Variants in DNMBP observed in about 807,000 individuals in gnomAD.
DNMBP encodes dynamin-binding protein.
A neutral mutation model predicts 150.0 loss-of-function variants in DNMBP; 87 were observed. The observed-to-expected ratio is 0.58, with a 90% confidence interval of 0.49 to 0.69. The LOEUF (loss-of-function observed/expected upper bound fraction) is 0.69, where lower values mean the gene tolerates loss of function less well. Among genes scored for constraint, DNMBP ranks in the 30% least tolerant of loss-of-function variants. DNMBP has a pLI of 0.00. For missense variants in DNMBP, 1,774 were observed against 1,949.0 expected, an observed-to-expected ratio of 0.91 and a Z score of 1.69; for synonymous variants, 711 against 750.4, an observed-to-expected ratio of 0.95 and a Z score of 0.86.
chr10:99,989,790 G>T (rs1171839958), intron 1 of DNMBP, among the ~76,000 whole-genome samples: 1 of 59,136 alleles, frequency 1.7e-5, no homozygotes, highest in South Asian at 4.1e-4. Context: ...CAGCTAAACT[G>T]CTATGTACCC....
At chr10:99,968,751 T>C (rs891612896) in intron 3 of DNMBP, among the ~76,000 whole-genome samples, 26 of 151,456 alleles carry the variant, frequency 1.7e-4, no homozygotes, top group African/African-American at 6.3e-4. Context: ...CATGGGGGCA[T>C]TGGAAAGATA....
At chr10:99,889,008 G>C in intron 11 of DNMBP, 55 bp from the exon 12 acceptor site, 1 of 1,601,952 alleles carries the variant, frequency 6.2e-7, no homozygotes, top group Non-Finnish European at 8.5e-7. Flanking sequence ...TCCAGCTTTT[G>C]TCATACATTC....
rs560186796 is a variant in DNMBP at position 100,004,842 on chromosome 10, C to T, written c.-11+4996G>A. On this transcript the variant is annotated intron_variant, in intron 1 of 16. Transcript: ENST00000324109. ...GATTTGATCAACAGATGTCAAGATGCCCAAATGAGAAGACATCTGCAAAGT... is the reference window on the plus strand; with the variant it reads ...GATTTGATCAACAGATGTCAAGATGTCCAAATGAGAAGACATCTGCAAAGT... Among the ~76,000 whole-genome samples the T allele has an allele frequency of 6.6e-5, 10 of 152,166 alleles. No individual in the cohort carries two copies. In the East Asian group the frequency reaches 1.9e-3, roughly 29 times the overall value.
At chr10:99,901,850 CCT>C (rs2039744168) in intron 6 of DNMBP, among the ~76,000 whole-genome samples, 1 of 152,178 alleles carries the variant, frequency 6.6e-6, no homozygotes, top group South Asian at 2.1e-4. Context: ...TGTGGACTCA[CCT>C]CTGTTCTCTC....
In DNMBP at chr10:100,003,097, C is replaced by T. The variant is rs527528759; in HGVS notation, c.-11+6741G>A. ...GGGCACGGTGGCTCAGGCCTGTAAT[C>T]CCAGCACTTTGGGAGGCCAAGGCAC... On this transcript the variant is annotated intron_variant, in intron 1 of 16. Transcript: ENST00000324109. Among the ~76,000 whole-genome samples the T allele has an allele frequency of 3.1e-4, 47 of 152,264 alleles. 1 individual carries two copies. The highest frequency in any genetic ancestry group is 2.0e-3 in the Admixed American group (31 of 15,300).
At chr10:99,987,318 TAGTG>T (rs1248860339) in intron 1 of DNMBP, among the ~76,000 whole-genome samples, 1 of 151,912 alleles carries the variant, frequency 6.6e-6, no homozygotes, top group Non-Finnish European at 1.5e-5. Flanking sequence ...CTGGGCAACA[TAGTG>T]AGATCTCATC....
intron 1 of DNMBP, among the ~76,000 whole-genome samples, chr10:99,972,806 G>A (rs567683333): frequency 1.1e-4 from 16 of 152,156 alleles, no homozygotes; most frequent in African/African-American, 3.6e-4. Context: ...ATGAAATCTC[G>A]CTGTGTGTTC....
At chr10:99,969,400 CAA>C (rs1486590229) in intron 2 of DNMBP, among the ~76,000 whole-genome samples, 163 bp from the exon 3 acceptor site, 1 of 152,076 alleles carries the variant, frequency 6.6e-6, no homozygotes, top group Non-Finnish European at 1.5e-5. Context: ...GTATAGTGCA[CAA>C]AACTAGATGC....
In DNMBP at chr10:99,909,021, C is replaced by G. The variant is rs1464323319; in HGVS notation, c.2386G>C (p.Glu796Gln). 4.3e-6 allele frequency: 7 copies of G among 1,614,228 alleles called. No homozygotes were observed. The highest frequency in any genetic ancestry group is 5.9e-6 in the Non-Finnish European group (7 of 1,180,048). Reference sequence around the variant, plus strand: ...TCCAGATCCCGAATGTAGTCTCTTTCTGTCTGAAGAAGTTCTTCTATGACC... The same window carrying G: ...TCCAGATCCCGAATGTAGTCTCTTTGTGTCTGAAGAAGTTCTTCTATGACC... ...AKVIEELLQT[E>Q]RDYIRDLEMC... Residue 796 changes from glutamate (E) to glutamine (Q), a missense_variant, in exon 5 of 17, where the codon GAA becomes CAA. Transcript: ENST00000324109.
chr10:99,968,687 T>C (rs1176284049), intron 3 of DNMBP, among the ~76,000 whole-genome samples: 6 of 88,260 alleles, frequency 6.8e-5, no homozygotes, highest in Non-Finnish European at 1.3e-4. Flanking sequence ...GACTACTGTC[T>C]CAAAAAAAAA....
At chr10:99,982,066 T>A (rs1474307259) in intron 1 of DNMBP, among the ~76,000 whole-genome samples, 1 of 152,176 alleles carries the variant, frequency 6.6e-6, no homozygotes, top group East Asian at 1.9e-4. Flanking sequence ...ATTACCCAAT[T>A]TGAGTGTGCC....
chr10:99,975,947 C>A lies in DNMBP; in HGVS notation c.-10-3813G>T, dbSNP rs1197672452. Among the ~76,000 whole-genome samples, 3 of 152,264 alleles carry A rather than the reference C, an allele frequency of 2.0e-5. No homozygotes were observed. In the East Asian group the frequency reaches 5.8e-4, roughly 29 times the overall value. Reference sequence around the variant, plus strand: ...GTACTTCCCTGAGTCCTCGCAAGGACCCTATCATATGTTATTGGTTCCCAT... The same window carrying A: ...GTACTTCCCTGAGTCCTCGCAAGGAACCTATCATATGTTATTGGTTCCCAT... On this transcript the variant is annotated intron_variant, in intron 1 of 16. Transcript: ENST00000324109.
intron 8 of DNMBP, 34 bp downstream of exon 8, chr10:99,898,709 A>G: frequency 6.2e-7 from 1 of 1,611,680 alleles, no homozygotes; most frequent in Non-Finnish European, 8.5e-7. Flanking sequence ...CACAGAAGAA[A>G]TGAGCGCATA....
intron 1 of DNMBP, among the ~76,000 whole-genome samples, chr10:99,988,914 G>C (rs1289823872): frequency 1.3e-5 from 2 of 152,034 alleles, no homozygotes; most frequent in Non-Finnish European, 2.9e-5. Context: ...TGTCTGCCTC[G>C]GCCTCCCAAA....
intron 16 of DNMBP, among the ~76,000 whole-genome samples, chr10:99,878,538 A>G (rs537050127): frequency 6.6e-6 from 1 of 152,344 alleles, no homozygotes; most frequent in South Asian, 2.1e-4. Flanking sequence ...CAGAAAAACG[A>G]GCATGCACAA....
chr10:99,997,337 G>A (rs2040960724), intron 1 of DNMBP, among the ~76,000 whole-genome samples: 1 of 152,174 alleles, frequency 6.6e-6, no homozygotes, highest in Admixed American at 6.5e-5. Flanking sequence ...TTCCTTCTGA[G>A]GCAGAATGTT....
intron 4 of DNMBP, among the ~76,000 whole-genome samples, chr10:99,948,402 T>C (rs1191306550): frequency 6.6e-6 from 1 of 152,212 alleles, no homozygotes; most frequent in Non-Finnish European, 1.5e-5. Context: ...CAAATATTAT[T>C]ATCCTTCAGG....
chr10:100,002,294 A>C (rs2041022462), intron 1 of DNMBP, among the ~76,000 whole-genome samples: 1 of 150,376 alleles, frequency 6.6e-6, no homozygotes, highest in Non-Finnish European at 1.5e-5. Flanking sequence ...ATAATTTCAC[A>C]ATTAGGAAAA....
chr10:99,930,463 T>C, intron 4 of DNMBP: 1 of 703,034 alleles, frequency 1.4e-6, no homozygotes, highest in Middle Eastern at 2.3e-4. Context: ...TCTGGACTCC[T>C]ATAACCATCA....
Sources: gnomAD v4.1 joint callset for allele counts (sites outside exome capture counted in the v4.1 genomes callset) on GRCh38, gnomAD v4.1.1 for gene constraint, MANE v1.5 for transcripts, NCBI Gene and HGNC (gene_info 2026-07-23, HGNC 2026-07-21) for gene names.